Variants in SRPK2 observed in about 807,000 individuals in gnomAD.
SRPK2 encodes the protein SRSF protein kinase 2.
In SRPK2, 21 loss-of-function variants were observed where a neutral mutation model predicts 90.8. That is an observed-to-expected ratio of 0.23 (90% CI 0.16 to 0.33). The LOEUF (loss-of-function observed/expected upper bound fraction) is 0.33. Among genes scored for constraint, SRPK2 ranks in the 10% least tolerant of loss-of-function variants. The pLI, the probability that SRPK2 is intolerant of heterozygous loss-of-function variation, is 1.00. For missense variants in SRPK2, 620 were observed against 869.0 expected (o/e 0.71, Z 3.60); for synonymous variants, 288 against 311.1 (o/e 0.93, Z 0.78).
At chr7:105,387,895 A>G (rs1821813751) in intron 2 of SRPK2, among the ~76,000 whole-genome samples, 1 of 152,208 alleles carries the variant, frequency 6.6e-6, no homozygotes, top group Admixed American at 6.5e-5. Context: ...GTGAGCGGCC[A>G]GGCTGGAGGT....
intron 11 of SRPK2, among the ~76,000 whole-genome samples, chr7:105,137,931 C>T (rs1261901927): frequency 2.0e-5 from 3 of 152,186 alleles, no homozygotes; most frequent in African/African-American, 7.2e-5. Context: ...CAAAACACAC[C>T]TCCCATGGGG....
At chr7:105,238,283 C>G (rs1254951926) in intron 2 of SRPK2, among the ~76,000 whole-genome samples, 2 of 152,178 alleles carry the variant, frequency 1.3e-5, no homozygotes, top group Non-Finnish European at 2.9e-5. Context: ...CATCATCATC[C>G]CTTGGGTGAG....
intron 2 of SRPK2, among the ~76,000 whole-genome samples, chr7:105,311,693 G>A (rs936405648): frequency 6.6e-6 from 1 of 152,168 alleles, no homozygotes; most frequent in African/African-American, 2.4e-5. Flanking sequence ...CAGACAATAA[G>A]TGTAGGCAAG....
intron 2 of SRPK2, among the ~76,000 whole-genome samples, chr7:105,343,560 C>G (rs1456418526): frequency 3.3e-5 from 5 of 152,184 alleles, no homozygotes. Flanking sequence ...GGTGTCCAAT[C>G]CTCCACCAGA....
chr7:105,137,187 T>C (rs925544235), intron 11 of SRPK2, among the ~76,000 whole-genome samples: 1 of 152,094 alleles, frequency 6.6e-6, no homozygotes, highest in Non-Finnish European at 1.5e-5. Context: ...CTTGCAACTT[T>C]GAGAAACTTT....
chr7:105,177,244 C>T (rs888030710), intron 3 of SRPK2, among the ~76,000 whole-genome samples: 2 of 151,806 alleles, frequency 1.3e-5, no homozygotes, highest in African/African-American at 2.4e-5. Flanking sequence ...TGAGAATAGA[C>T]GGCATGACTT....
chr7:105,287,489 C>T lies in SRPK2; in HGVS notation c.72-83704G>A, dbSNP rs780574354. Among the ~76,000 whole-genome samples the T allele has an allele frequency of 4.7e-4, 71 of 152,102 alleles. 1 individual carries two copies. Among genetic ancestry groups the T allele is most frequent in the Non-Finnish European group, 2.8e-4 (19 of 68,028 alleles). ...CAGTGGCTCACGCCTGTAATCCCCA[C>T]ACTTTGGGAGGCTGAGGAGGGGAGA... On this transcript the variant is annotated intron_variant, in intron 2 of 15. Transcript: ENST00000393651.
intron 2 of SRPK2, among the ~76,000 whole-genome samples, chr7:105,269,806 C>T (rs1585455986): frequency 1.3e-5 from 2 of 152,136 alleles, no homozygotes; most frequent in East Asian, 3.8e-4. Context: ...GTCCTATTAC[C>T]CAGACTATTT....
At chr7:105,183,306 C>A (rs1793133256) in intron 3 of SRPK2, among the ~76,000 whole-genome samples, 1 of 152,108 alleles carries the variant, frequency 6.6e-6, no homozygotes, top group East Asian at 1.9e-4. Flanking sequence ...CTATACAAGC[C>A]AATAACTAAA....
At chr7:105,254,816 A>G (rs1803020039) in intron 2 of SRPK2, among the ~76,000 whole-genome samples, 1 of 151,972 alleles carries the variant, frequency 6.6e-6, no homozygotes, top group East Asian at 1.9e-4. Flanking sequence ...CAGCCTCCTG[A>G]GGAGCTGGGA....
chr7:105,277,154 G>A lies in SRPK2; in HGVS notation c.72-73369C>T, dbSNP rs183729453. ...TGCAGTGGCGTGATCTCCGCTCACT[G>A]CAAGCTCCGCCTCCCGGGTTCACAC... On this transcript the variant is annotated intron_variant, in intron 2 of 15. Transcript: ENST00000393651. Among the ~76,000 whole-genome samples, 52 of 152,130 alleles carry A rather than the reference G, an allele frequency of 3.4e-4. No individual in the cohort carries two copies. In the East Asian group the frequency reaches 8.1e-3, roughly 24 times the overall value.
At chr7:105,181,499 G>A (rs868678957) in intron 3 of SRPK2, among the ~76,000 whole-genome samples, 30 of 152,130 alleles carry the variant, frequency 2.0e-4, no homozygotes, top group African/African-American at 6.8e-4. Context: ...TAAAGAAACC[G>A]TGGTACACAT....
At chr7:105,203,561 C>A in intron 3 of SRPK2, 67 bp downstream of exon 3, 1 of 1,387,566 alleles carries the variant, frequency 7.2e-7, no homozygotes, top group East Asian at 2.7e-5. Flanking sequence ...TTGTCCATTC[C>A]CCCAACAAAT....
At chr7:105,358,542 C>T (rs996626478) in intron 2 of SRPK2, among the ~76,000 whole-genome samples, 4 of 151,572 alleles carry the variant, frequency 2.6e-5, no homozygotes, top group East Asian at 2.0e-4. Flanking sequence ...AAAAATTAGC[C>T]GGGCATGGTG....
chr7:105,208,784 C>A (rs1796508727), intron 2 of SRPK2, among the ~76,000 whole-genome samples: 1 of 152,160 alleles, frequency 6.6e-6, no homozygotes, highest in Non-Finnish European at 1.5e-5. Context: ...GTTACATGAG[C>A]AAACTGTATG....
At chr7:105,158,380 G>A (rs1460473566) in intron 7 of SRPK2, among the ~76,000 whole-genome samples, 1 of 152,076 alleles carries the variant, frequency 6.6e-6, no homozygotes, top group African/African-American at 2.4e-5. Context: ...TCAGCTGGCA[G>A]AGTAGCTGGG....
chr7:105,380,813 C>T (rs904557089), intron 2 of SRPK2, among the ~76,000 whole-genome samples: 3 of 152,028 alleles, frequency 2.0e-5, no homozygotes, highest in South Asian at 4.2e-4. Context: ...TAAGCTACCA[C>T]GCCCAGCTGC....
At position 105,357,462 on chromosome 7, in the gene SRPK2, A is replaced by C. The variant is rs557218362; in HGVS notation, c.71+31186T>G. On this transcript the variant is annotated intron_variant, in intron 2 of 15. Transcript: ENST00000393651. ...ACCTAAATAGAGATGACCTGCTATA[A>C]ACAATAAATATCTCTTCACTATTTC... Among the ~76,000 whole-genome samples, 5 of 152,302 alleles carry C rather than the reference A, an allele frequency of 3.3e-5. No individual in the cohort carries two copies. The South Asian group carries it at 1.0e-3, about 32-fold the overall frequency.
At chr7:105,245,361 A>G (rs924684515) in intron 2 of SRPK2, among the ~76,000 whole-genome samples, 1 of 152,208 alleles carries the variant, frequency 6.6e-6, no homozygotes, top group African/African-American at 2.4e-5. Context: ...GGAAGTACAC[A>G]TTATGAAGAT....
Sources: allele counts gnomAD v4.1 joint callset (sites outside exome capture counted in the v4.1 genomes callset), GRCh38; gene constraint gnomAD v4.1.1; transcripts MANE v1.5; gene names NCBI Gene and HGNC (gene_info 2026-07-23, HGNC 2026-07-21).